Variants in EZH2 observed in about 807,000 individuals in gnomAD.
EZH2 encodes the protein histone-lysine N-methyltransferase EZH2.
A neutral mutation model predicts 98.4 loss-of-function variants in EZH2; 18 were observed. The observed-to-expected ratio is 0.18, with a 90% CI of 0.13 to 0.27. EZH2 has a LOEUF of 0.27. EZH2 is among the 10% of genes least tolerant of loss of function. EZH2 has a pLI of 1.00. For synonymous variants in EZH2, 338 were observed against 312.3 expected (o/e 1.08, Z -0.87); for missense variants, 470 against 935.1 (o/e 0.50, Z 6.49).
intron 1 of EZH2, among the ~76,000 whole-genome samples, chr7:148,852,882 G>A (rs1816108948): frequency 2.0e-5 from 3 of 152,056 alleles, no homozygotes; most frequent in East Asian, 1.9e-4. Context: ...CCATATCCAC[G>A]GAGGATTAGT....
chr7:148,809,419 GT>G lies in EZH2; in HGVS notation c.2030-30del. ...AAAAGAAAAAAGTAAGCACAGCCCAGTGAATAATTTCAGTTATAAGTAAACC... is the reference window on the plus strand; with the variant it reads ...AAAAGAAAAAAGTAAGCACAGCCCAGGAATAATTTCAGTTATAAGTAAACC... On this transcript the variant is annotated intron_variant, in intron 17 of 19. Coordinates refer to ENST00000320356, the MANE Select transcript of EZH2 (RefSeq NM_004456.5). 5 of 1,540,352 alleles carry G rather than the reference GT, an allele frequency of 3.2e-6. No homozygotes were observed. The South Asian group carries it at 5.7e-5, about 18-fold the overall frequency.
At chr7:148,815,450 T>C (rs1804292436) in intron 13 of EZH2, 56 bp downstream of exon 13, 2 of 1,539,434 alleles carry the variant, frequency 1.3e-6, no homozygotes, top group Middle Eastern at 1.7e-4. Context: ...CTAAAACAAA[T>C]GAAAACAAAG....
chr7:148,810,458 A>C (rs747262343), intron 16 of EZH2, 44 bp from the exon 17 acceptor site: 2 of 1,380,302 alleles, frequency 1.4e-6, no homozygotes, highest in South Asian at 2.3e-5. Flanking sequence ...GATAAAGGTG[A>C]TCAAGCCTGA....
chr7:148,820,431 G>C (rs1318986457), intron 8 of EZH2, among the ~76,000 whole-genome samples: 1 of 151,848 alleles, frequency 6.6e-6, no homozygotes, highest in Non-Finnish European at 1.5e-5. Context: ...GCTGGAAATG[G>C]ACTATTCAGA....
intron 4 of EZH2, among the ~76,000 whole-genome samples, chr7:148,830,384 G>A (rs79813528): frequency 0.045 from 6,917 of 152,044 alleles, 498 homozygotes; most frequent in African/African-American, 0.16. Context: ...GAAATATGGT[G>A]TATCAAGATC....
At position 148,828,742 on chromosome 7, in the gene EZH2, T is replaced by C. The variant is rs61753264; in HGVS notation, c.623A>G (p.Asp208Gly). Reference protein sequence around the residue: ...EKQKDLEDHRDDKESRPPRKF... With the variant: ...EKQKDLEDHRGDKESRPPRKF... Reference sequence around the variant, plus strand: ...AGAATCCTAATAATCAGGCATACCATCTCGGTGATCCTCCAGATCTTTCTG... The same window carrying C: ...AGAATCCTAATAATCAGGCATACCACCTCGGTGATCCTCCAGATCTTTCTG... Residue 208 changes from aspartate (D) to glycine (G), a missense_variant and splice_region_variant, in exon 6 of 20, where the codon GAT becomes GGT. By Grantham distance (94) the Asp-to-Gly change is moderately conservative (BLOSUM62 -1). This residue lies in a region of EZH2 where 69 missense variants were observed against 78.3 expected (regional missense o/e 0.88). Transcript: ENST00000320356. 91 of 1,612,882 alleles carry C rather than the reference T, an allele frequency of 5.6e-5. No homozygotes were observed. The highest frequency in any genetic ancestry group is 7.5e-5 in the Non-Finnish European group (89 of 1,179,826).
At chr7:148,837,095 AC>A in intron 3 of EZH2, 1 of 416,908 alleles carries the variant, frequency 2.4e-6, no homozygotes, top group South Asian at 1.9e-5. Flanking sequence ...TTTCACAACT[AC>A]CCTGTGAGGT....
chr7:148,832,526 T>A, intron 4 of EZH2, 108 bp downstream of exon 4: 1 of 664,630 alleles, frequency 1.5e-6, no homozygotes, highest in Non-Finnish European at 2.5e-6. Flanking sequence ...TTTTGATAGC[T>A]TTTTAGAATT....
chr7:148,837,060 C>A, intron 3 of EZH2: 1 of 451,452 alleles, frequency 2.2e-6, no homozygotes, highest in Non-Finnish European at 4.4e-6. Flanking sequence ...GTGCTAGAGA[C>A]TTTACCAAAG....
chr7:148,809,695 AAAC>A (rs1802497367), intron 17 of EZH2, among the ~76,000 whole-genome samples: 1 of 152,254 alleles, frequency 6.6e-6, no homozygotes, highest in Admixed American at 6.5e-5. Flanking sequence ...AAATTCTTCC[AAAC>A]ATCACGAATA....
intron 15 of EZH2, among the ~76,000 whole-genome samples, chr7:148,812,437 T>C (rs1048272618): frequency 3.3e-5 from 5 of 152,218 alleles, no homozygotes; most frequent in Admixed American, 3.3e-4. Flanking sequence ...CAAAATTTTC[T>C]TGTGACCTTT....
chr7:148,823,138 A>T (rs1383122148), intron 8 of EZH2, among the ~76,000 whole-genome samples: 1 of 152,244 alleles, frequency 6.6e-6, no homozygotes, highest in Non-Finnish European at 1.5e-5. Flanking sequence ...TCAATTTTAA[A>T]AATTAGTTTG....
rs754379530 is a variant in EZH2, at chr7:148,819,665, A to T, written c.930T>A (p.Thr310=). ...CTGTTTCTGTGTTCTTCCGCTTATA[A>T]GTGTTGGGTGTTGCATGAAAAGCTG... ...CNYSFHATPN[T]YKRKNTETAL... Residue 310 remains threonine (T), a synonymous_variant, in exon 9 of 20, where the codon ACT becomes ACA. Transcript: ENST00000320356. 3.1e-6 allele frequency: 5 copies of T among 1,614,160 alleles called. No homozygotes were observed. In the East Asian group the frequency reaches 1.1e-4, roughly 36 times the overall value.
At chr7:148,836,950 A>C (rs1478572656) in intron 3 of EZH2, 1 of 509,374 alleles carries the variant, frequency 2.0e-6, no homozygotes, top group South Asian at 1.5e-5. Flanking sequence ...GGCTGGTTCC[A>C]AGTAAAAACT....
intron 3 of EZH2, among the ~76,000 whole-genome samples, chr7:148,845,003 A>C (rs1215839678): frequency 1.3e-5 from 2 of 152,176 alleles, no homozygotes; most frequent in Non-Finnish European, 2.9e-5. Context: ...TGAAGATTAA[A>C]AGAGGTAATG....
At chr7:148,818,954 C>G (rs1805290947) in intron 9 of EZH2, 1 of 434,018 alleles carries the variant, frequency 2.3e-6, no homozygotes, top group African/African-American at 2.0e-5. Context: ...TCTACAAAAA[C>G]CAAATTGCTT....
intron 13 of EZH2, among the ~76,000 whole-genome samples, chr7:148,815,299 G>T (rs1388126521): frequency 2.0e-5 from 3 of 152,116 alleles, no homozygotes; most frequent in African/African-American, 4.8e-5. Flanking sequence ...AACTGACTCG[G>T]ACTCACACCT....
intron 3 of EZH2, among the ~76,000 whole-genome samples, chr7:148,839,240 A>T (rs1811788304): frequency 6.6e-6 from 1 of 152,206 alleles, no homozygotes; most frequent in South Asian, 2.1e-4. Context: ...ACAAGTTTAC[A>T]ACTGCCCCTC....
chr7:148,828,938 G>A (rs558019240), intron 5 of EZH2, 58 bp from the exon 6 acceptor site: 1 of 1,526,928 alleles, frequency 6.5e-7, no homozygotes, highest in African/African-American at 1.4e-5. Flanking sequence ...AAAAGTTTAT[G>A]TATCCTTTTT....
Sources: allele counts gnomAD v4.1 joint callset (sites outside exome capture counted in the v4.1 genomes callset), GRCh38; gene constraint gnomAD v4.1.1; regional missense constraint gnomAD v4.1.1; transcripts MANE v1.5; gene names NCBI Gene and HGNC (gene_info 2026-07-23, HGNC 2026-07-21).